The following RAPGEF2 variants were observed in gnomAD, a reference collection of about 807,000 sequenced individuals.
The protein encoded by RAPGEF2 is PDZ domain containing guanine nucleotide exchange factor (GEF) 1.
RAPGEF2 carries 54 observed loss-of-function variants against 186.7 expected under a neutral mutation model. The observed-to-expected ratio is 0.29, with a 90% CI of 0.23 to 0.36. RAPGEF2 has a LOEUF of 0.36. RAPGEF2 is among the 10% of genes least tolerant of loss of function. The pLI, the probability that RAPGEF2 is intolerant of heterozygous loss-of-function variation, is 1.00. For synonymous variants in RAPGEF2, 712 were observed against 705.9 expected, an observed-to-expected ratio of 1.01 and a Z score of -0.14; for missense variants, 1,532 against 2,045.0, an observed-to-expected ratio of 0.75 and a Z score of 4.84.
At chr4:159,220,163 T>G (rs998469687) in intron 4 of RAPGEF2, among the ~76,000 whole-genome samples, 1 of 152,096 alleles carries the variant, frequency 6.6e-6, no homozygotes, top group African/African-American at 2.4e-5. Context: ...AACAGAAAAT[T>G]TCATCATATC....
At position 159,186,704 on chromosome 4, in the gene RAPGEF2, T is replaced by G; in HGVS notation, c.132T>G (p.His44Gln). ...GMEALSNLRE[H>Q]QLRLMCETVR... ...AAGCCTTATCAAACTTGAGGGAGCA[T>G]CAACTTAGGTATGTCATTTTAATAT... is the stretch of plus-strand genomic sequence containing the variant. Residue 44 changes from histidine to glutamine, a missense_variant, in exon 2 of 30, where the codon CAT becomes CAG. Physicochemically the swap from His to Gln is conservative, Grantham distance 24. This residue lies in a region of RAPGEF2 where 810 missense variants were observed against 1,210.5 expected (regional missense o/e 0.67). Transcript: ENST00000691494. 1 of 1,452,226 alleles carries G rather than the reference T, an allele frequency of 6.9e-7. No homozygotes were observed. Among genetic ancestry groups the G allele is most frequent in the Non-Finnish European group, 9.3e-7 (1 of 1,079,678 alleles). 90.0% of individuals were successfully genotyped at this position (1,452,226 alleles called of 1,614,324 possible).
chr4:159,231,207 G>C (rs1260836099), intron 4 of RAPGEF2, among the ~76,000 whole-genome samples: 2 of 152,070 alleles, frequency 1.3e-5, no homozygotes, highest in Non-Finnish European at 2.9e-5. Context: ...GCAATAGGCT[G>C]TATCATCTAG....
At chr4:159,206,755 A>G (rs1750030842) in intron 3 of RAPGEF2, among the ~76,000 whole-genome samples, 1 of 152,226 alleles carries the variant, frequency 6.6e-6, no homozygotes, top group African/African-American at 2.4e-5. Context: ...GGAATTTTCT[A>G]GACTAGTAAG....
At chr4:159,290,025 A>T (rs1048340342) in intron 7 of RAPGEF2, among the ~76,000 whole-genome samples, 5 of 152,186 alleles carry the variant, frequency 3.3e-5, no homozygotes, top group African/African-American at 1.2e-4. Context: ...CCACTAAAAC[A>T]TTTTAGGCAG....
intron 26 of RAPGEF2, 121 bp from the exon 27 acceptor site, chr4:159,352,564 T>G (rs2111331401): frequency 1.4e-6 from 1 of 721,384 alleles, no homozygotes; most frequent in South Asian, 1.9e-5. Flanking sequence ...TGAAATGGGG[T>G]TTTTCTCCCC....
chr4:159,318,214 G>A (rs991393996), intron 9 of RAPGEF2, among the ~76,000 whole-genome samples: 1 of 152,044 alleles, frequency 6.6e-6, no homozygotes. Context: ...AGTCCTAAAG[G>A]GTGTTGTTTG....
At chr4:159,281,139 G>A (rs941532540) in intron 7 of RAPGEF2, among the ~76,000 whole-genome samples, 6 of 151,786 alleles carry the variant, frequency 4.0e-5, no homozygotes, top group Admixed American at 1.3e-4. Flanking sequence ...CTACAGGCAC[G>A]CACTACCACG....
chr4:159,122,710 A>G (rs540466531), intron 1 of RAPGEF2, among the ~76,000 whole-genome samples: 1 of 152,360 alleles, frequency 6.6e-6, no homozygotes, highest in East Asian at 1.9e-4. Flanking sequence ...GTCCATCAGT[A>G]AACTGCATAT....
Position 159,314,671 on chromosome 4 carries a change from A to G in RAPGEF2, c.756A>G (p.Glu252=), listed in dbSNP as rs753379973. 2 of 1,614,098 alleles carry G rather than the reference A, an allele frequency of 1.2e-6. No individual in the cohort carries two copies. Among genetic ancestry groups the G allele is most frequent in the Non-Finnish European group, 1.7e-6 (2 of 1,179,972 alleles). Residue 252 remains glutamate (E), a synonymous_variant, in exon 9 of 30, where the codon GAA becomes GAG. Transcript: ENST00000691494. ...TGGATTCCGAAGACGACGACGATGA[A>G]GAAGACATTGAGAGAGCATCAGATC... is the stretch of plus-strand genomic sequence containing the variant. ...TAVDSEDDDD[E]EDIERASDPL...
chr4:159,349,438 T>C (rs1054920083), intron 25 of RAPGEF2, among the ~76,000 whole-genome samples: 13 of 152,230 alleles, frequency 8.5e-5, no homozygotes, highest in African/African-American at 3.1e-4. Context: ...TCATCTTACA[T>C]TGACATGTAG....
intron 25 of RAPGEF2, among the ~76,000 whole-genome samples, chr4:159,347,744 G>A (rs760412014): frequency 7.2e-5 from 11 of 152,196 alleles, no homozygotes; most frequent in Non-Finnish European, 1.2e-4. Flanking sequence ...AGATCGCACC[G>A]CTGCACTCCT....
chr4:159,243,399 T>C (rs1754247091), intron 6 of RAPGEF2, among the ~76,000 whole-genome samples: 1 of 151,980 alleles, frequency 6.6e-6, no homozygotes, highest in Admixed American at 6.5e-5. Context: ...AAATTTTGTT[T>C]TGTGTGTATG....
Position 159,286,851 on chromosome 4 carries a change from G to T in RAPGEF2, c.544-17491G>T, listed in dbSNP as rs578214018. Among the ~76,000 whole-genome samples, 17 of 152,114 alleles carry T rather than the reference G, an allele frequency of 1.1e-4. No homozygotes were observed. The East Asian group carries it at 3.3e-3, about 29-fold the overall frequency. On this transcript the variant is annotated intron_variant, in intron 7 of 29. Transcript: ENST00000691494. ...TGCCAAACATTGATTATTATATTTT[G>T]GGTTTTTGTTTGTTGTTGTTCATGT... is the stretch of plus-strand genomic sequence containing the variant.
intron 1 of RAPGEF2, among the ~76,000 whole-genome samples, chr4:159,145,212 C>G (rs796918997): frequency 7.2e-5 from 11 of 151,998 alleles, no homozygotes; most frequent in African/African-American, 2.7e-4. Context: ...TGTAGTAATA[C>G]TATTCAGAAA....
intron 11 of RAPGEF2, among the ~76,000 whole-genome samples, chr4:159,325,947 C>T (rs1765866605): frequency 6.6e-6 from 1 of 152,028 alleles, no homozygotes; most frequent in Non-Finnish European, 1.5e-5. Flanking sequence ...TATATAGACT[C>T]CTATATAGCT....
chr4:159,153,832 G>C (rs1743821883), intron 1 of RAPGEF2, among the ~76,000 whole-genome samples: 1 of 152,112 alleles, frequency 6.6e-6, no homozygotes, highest in African/African-American at 2.4e-5. Flanking sequence ...GCAAGTACAG[G>C]ATGTTTTAAA....
At chr4:159,349,708 C>G (rs1730897090) in intron 25 of RAPGEF2, among the ~76,000 whole-genome samples, 1 of 152,192 alleles carries the variant, frequency 6.6e-6, no homozygotes. Flanking sequence ...TGAGCTACCC[C>G]TTTCCAAGGA....
chr4:159,279,740 G>A (rs926030295), intron 7 of RAPGEF2, among the ~76,000 whole-genome samples: 1 of 151,714 alleles, frequency 6.6e-6, no homozygotes, highest in Non-Finnish European at 1.5e-5. Flanking sequence ...GTGCAGTGGT[G>A]TGATCTCAGC....
At chr4:159,357,255 G>A (rs1166032579) in intron 29 of RAPGEF2, among the ~76,000 whole-genome samples, 1 of 152,186 alleles carries the variant, frequency 6.6e-6, no homozygotes, top group African/African-American at 2.4e-5. Flanking sequence ...TAGCTACTAT[G>A]GAGGCTGAAG....
Sources: allele counts gnomAD v4.1 joint callset (sites outside exome capture counted in the v4.1 genomes callset), GRCh38; gene constraint gnomAD v4.1.1; regional missense constraint gnomAD v4.1.1; transcripts MANE v1.5; gene names NCBI Gene and HGNC (gene_info 2026-07-23, HGNC 2026-07-21).